The following NANOS3 variants were observed in gnomAD, a reference collection of about 807,000 sequenced individuals.
NANOS3 encodes the protein nanos C2HC-type zinc finger 3, also known as nanos homolog 3.
A neutral mutation model predicts 13.8 loss-of-function variants in NANOS3; 11 were observed. The observed-to-expected ratio is 0.80, with a 90% CI of 0.50 to 1.32. NANOS3 has a LOEUF of 1.32. NANOS3 is among the 40% of genes most tolerant of loss of function. NANOS3 has a pLI of 0.00. For synonymous variants in NANOS3, 119 were observed against 115.4 expected (o/e 1.03, Z -0.20); for missense variants, 221 against 263.8 (o/e 0.84, Z 1.12).
intron 1 of NANOS3, among the ~76,000 whole-genome samples, chr19:13,871,773 C>T (rs1183295829): frequency 6.6e-6 from 1 of 152,150 alleles, no homozygotes. Context: ...TTTGGGAGGC[C>T]CAGGAGTTCG....
At chr19:13,863,708 G>A (rs1976190409), upstream of NANOS3, among the ~76,000 whole-genome samples, 1 of 152,128 alleles carries the variant, frequency 6.6e-6, no homozygotes. Flanking sequence ...TTTGGGAGAG[G>A]TTAGGTGTAG....
In NANOS3 at chr19:13,880,600, C is replaced by A. The variant is rs939020621; in HGVS notation, c.*97C>A. The A allele has an allele frequency of 3.2e-5, 34 of 1,055,716 alleles. No individual in the cohort carries two copies. The East Asian group carries it at 3.6e-4, about 11-fold the overall frequency. The allele number at this position is 1,055,716 out of a possible 1,614,324, so 65.4% of individuals were successfully genotyped here. ...TGCCCCCACTCCCAGACCCTCCCCC[C>A]AGCCTGGGATTGAGCCCTGGGGATG... On this transcript the variant is annotated 3_prime_UTR_variant, in exon 2 of 2. Transcript: ENST00000339133.
chr19:13,870,747 T>C (rs1976315606), intron 1 of NANOS3, among the ~76,000 whole-genome samples: 1 of 151,348 alleles, frequency 6.6e-6, no homozygotes, highest in South Asian at 2.1e-4. Context: ...TTTTTTTGTT[T>C]GTTTGTATTT....
At chr19:13,870,155 C>T (rs929909934) in intron 1 of NANOS3, among the ~76,000 whole-genome samples, 10 of 151,930 alleles carry the variant, frequency 6.6e-5, no homozygotes, top group African/African-American at 2.2e-4. Context: ...CCCTGGCTTC[C>T]GTCAGCCTCG....
At chr19:13,875,099 T>G, upstream of NANOS3, 1 of 376,280 alleles carries the variant, frequency 2.7e-6, no homozygotes, top group South Asian at 2.4e-5. Context: ...AGAGCTGGTG[T>G]CTGGAATCTG....
At chr19:13,876,243 A>G, upstream of NANOS3, among the ~76,000 whole-genome samples, 1 of 151,982 alleles carries the variant, frequency 6.6e-6, no homozygotes, top group Non-Finnish European at 1.5e-5. Context: ...GGTTCAAGCA[A>G]TTCTTCTGCC....
chr19:13,863,565 C>T (rs141572882), upstream of NANOS3, among the ~76,000 whole-genome samples: 634 of 151,880 alleles, frequency 4.2e-3, 3 homozygotes, highest in Non-Finnish European at 5.8e-3. Context: ...GGGGGGCGGG[C>T]GGCACAGGAG....
chr19:13,865,442 GCGCGGGCGCCGGGCGGGC>G (rs1346535583), intron 1 of NANOS3: 1 of 146,668 alleles, frequency 6.8e-6, no homozygotes, highest in East Asian at 2.0e-4. Flanking sequence ...ATCGAGGTGA[GCGCGGGCGCCGGGCGGGC>G]CGGGGGCACG....
At chr19:13,868,628 G>C (rs1324653708) in intron 1 of NANOS3, among the ~76,000 whole-genome samples, 1 of 151,226 alleles carries the variant, frequency 6.6e-6, no homozygotes, top group Non-Finnish European at 1.5e-5. Flanking sequence ...ATTGCAGTGA[G>C]CTATGATGGC....
intron 1 of NANOS3, among the ~76,000 whole-genome samples, chr19:13,879,796 A>G (rs1359902973): frequency 1.3e-5 from 2 of 151,888 alleles, no homozygotes; most frequent in Non-Finnish European, 2.9e-5. Flanking sequence ...AAGCTGAGGC[A>G]GGTGGATCAC....
At chr19:13,873,348 T>G (rs1599301945), upstream of NANOS3, among the ~76,000 whole-genome samples, 3 of 139,360 alleles carry the variant, frequency 2.2e-5, no homozygotes, top group African/African-American at 5.4e-5. Context: ...GTGAGGGGTG[T>G]GGTGGGGGGG....
chr19:13,875,416 A>G (rs529791227), upstream of NANOS3, among the ~76,000 whole-genome samples: 17 of 150,368 alleles, frequency 1.1e-4, no homozygotes, highest in South Asian at 3.6e-3. Context: ...CAAACTCCTG[A>G]CCTCAAGTAA....
chr19:13,872,357 AAAAAGAG>A (rs1460364839), upstream of NANOS3, among the ~76,000 whole-genome samples: 83 of 150,416 alleles, frequency 5.5e-4, no homozygotes, highest in Non-Finnish European at 8.7e-4. Flanking sequence ...AAAAAAAAAA[AAAAAGAG>A]AGAGAGAGAG....
intron 1 of NANOS3, among the ~76,000 whole-genome samples, chr19:13,869,973 G>A (rs932146455): frequency 1.2e-4 from 19 of 152,058 alleles, no homozygotes; most frequent in African/African-American, 4.3e-4. Context: ...CAAGAATCAC[G>A]GGCAGGACAC....
At chr19:13,862,897 G>A (rs1363100838), upstream of NANOS3, among the ~76,000 whole-genome samples, 7 of 152,334 alleles carry the variant, frequency 4.6e-5, no homozygotes, top group East Asian at 9.7e-4. Context: ...TCTGGGCCTC[G>A]GTTGCCCATC....
intron 1 of NANOS3, chr19:13,865,565 G>T (rs1008185846): frequency 1.4e-5 from 2 of 146,618 alleles, no homozygotes; most frequent in Non-Finnish European, 3.0e-5. Flanking sequence ...GCCCCGGGGC[G>T]GGCGCCCCGG....
At chr19:13,878,327 CT>C (rs1968561447) in intron 1 of NANOS3, among the ~76,000 whole-genome samples, 1 of 152,034 alleles carries the variant, frequency 6.6e-6, no homozygotes. Context: ...CAACCTCTGC[CT>C]TCCGGGTTCA....
Position 13,877,339 on chromosome 19 carries a change from A to G in NANOS3, c.91A>G (p.Ser31Gly), listed in dbSNP as rs1388070696. 1.2e-6 allele frequency: 2 copies of G among 1,610,806 alleles called. No individual in the cohort carries two copies. Among genetic ancestry groups the G allele is most frequent in the Non-Finnish European group, 8.5e-7 (1 of 1,179,824 alleles). Residue 31 changes from serine to glycine, a missense_variant, in exon 1 of 2, where the codon AGC becomes GGC. Transcript: ENST00000339133. ...SGKEGPETRLSPQPEPEPMLE... is the reference protein window; with the variant it reads ...SGKEGPETRLGPQPEPEPMLE... Reference sequence around the variant, plus strand: ...GAAAGAGGGTCCTGAAACCAGGCTGAGCCCCCAGCCAGAGCCAGAGCCAAT... The same window carrying G: ...GAAAGAGGGTCCTGAAACCAGGCTGGGCCCCCAGCCAGAGCCAGAGCCAAT...
At chr19:13,879,853 C>T (rs946796564) in intron 1 of NANOS3, among the ~76,000 whole-genome samples, 49 of 152,172 alleles carry the variant, frequency 3.2e-4, no homozygotes, top group Admixed American at 2.8e-3. Flanking sequence ...GGTGAAACCC[C>T]GTCTCTACTG....
Sources: gnomAD v4.1 joint callset for allele counts (sites outside exome capture counted in the v4.1 genomes callset) on GRCh38, gnomAD v4.1.1 for gene constraint, MANE v1.5 for transcripts, NCBI Gene and HGNC (gene_info 2026-07-23, HGNC 2026-07-21) for gene names.